The following ARHGAP6 variants were observed in gnomAD, a reference collection of about 807,000 sequenced individuals.
The protein encoded by ARHGAP6 is rho GTPase-activating protein 6.
A neutral mutation model predicts 55.7 loss-of-function variants in ARHGAP6; 16 were observed. That is an observed-to-expected ratio of 0.29 (90% confidence interval 0.19 to 0.44). The LOEUF is 0.44. ARHGAP6 is among the 20% of genes least tolerant of loss of function. ARHGAP6 has a pLI of 1.00. For synonymous variants in ARHGAP6, 382 were observed against 360.9 expected, an observed-to-expected ratio of 1.06 and a Z score of -0.66; for missense variants, 698 against 808.9, an observed-to-expected ratio of 0.86 and a Z score of 1.66.
At chrX:11,607,803 C>G (rs755864906) in intron 1 of ARHGAP6, among the ~76,000 whole-genome samples, 12 of 112,162 alleles carry the variant, frequency 1.1e-4, no homozygotes, top group Non-Finnish European at 2.3e-4. Flanking sequence ...GCTGGGGCAA[C>G]AAATAATTTG....
intron 1 of ARHGAP6, among the ~76,000 whole-genome samples, chrX:11,537,377 CCT>C (rs747275242): frequency 8.9e-6 from 1 of 111,752 alleles, no homozygotes; most frequent in Admixed American, 9.5e-5. Context: ...CAGGACAGCT[CCT>C]CTCAGCAAAG....
intron 1 of ARHGAP6, among the ~76,000 whole-genome samples, chrX:11,502,598 A>C (rs770468132): frequency 2.8e-4 from 31 of 111,498 alleles, no homozygotes; most frequent in Non-Finnish European, 5.7e-4. Context: ...AGCAAGACCA[A>C]CCCCTCCTCG....
At chrX:11,564,799 G>T (rs5933900) in intron 1 of ARHGAP6, among the ~76,000 whole-genome samples, 2,173 of 111,668 alleles carry the variant, frequency 0.019, 32 homozygotes, top group Middle Eastern at 0.056. Context: ...ATGACAAGTA[G>T]AATATGCCAC....
At chrX:11,623,040 A>G (rs2052248737) in intron 1 of ARHGAP6, among the ~76,000 whole-genome samples, 1 of 111,959 alleles carries the variant, frequency 8.9e-6, no homozygotes, top group Non-Finnish European at 1.9e-5. Context: ...TTTATTCAAC[A>G]TAGTGCTGGA....
At chrX:11,384,680 A>G (rs751960642) in intron 1 of ARHGAP6, among the ~76,000 whole-genome samples, 2 of 112,232 alleles carry the variant, frequency 1.8e-5, no homozygotes, top group African/African-American at 6.5e-5. Context: ...GCTACACAGG[A>G]AAATCACTTG....
intron 1 of ARHGAP6, among the ~76,000 whole-genome samples, chrX:11,475,560 TACACAC>T (rs199969639): frequency 0.23 from 22,240 of 95,597 alleles, 2,089 homozygotes; most frequent in Middle Eastern, 0.31. Context: ...TTAAAGAAAC[TACACAC>T]ACACACACAC....
At chrX:11,573,599 T>C (rs2051557461) in intron 1 of ARHGAP6, among the ~76,000 whole-genome samples, 1 of 110,819 alleles carries the variant, frequency 9.0e-6, no homozygotes, top group Non-Finnish European at 1.9e-5. Context: ...ACTTGTAGTA[T>C]AGTTTGAAGT....
intron 8 of ARHGAP6, among the ~76,000 whole-genome samples, chrX:11,174,565 CCTTCCTTCCTTT>C (rs1439373641): frequency 9.5e-4 from 70 of 73,341 alleles, no homozygotes; most frequent in African/African-American, 2.9e-3. Flanking sequence ...TTCCTTCCTT[CCTTCCTTCCTTT>C]CTTTCTTTCT....
rs757911357 is a variant in ARHGAP6, at chrX:11,208,878, G to A, written c.749-11882C>T. On this transcript the variant is annotated intron_variant, in intron 2 of 12. Coordinates refer to ENST00000337414, the MANE Select transcript of ARHGAP6 (RefSeq NM_013427.3). Reference sequence around the variant, plus strand: ...CTGCTGGGAGAATTAAACATCATTTGGTTCCATTTCCCAGCTGCTGAAAAA... The same window carrying A: ...CTGCTGGGAGAATTAAACATCATTTAGTTCCATTTCCCAGCTGCTGAAAAA... 8.0e-5 allele frequency among the ~76,000 whole-genome samples: 9 copies of A among 111,868 alleles called. 1 individual carries two copies. The South Asian group carries it at 3.0e-3, about 37-fold the overall frequency.
intron 1 of ARHGAP6, among the ~76,000 whole-genome samples, chrX:11,255,767 C>T (rs2047486463): frequency 1.8e-5 from 2 of 111,667 alleles, no homozygotes; most frequent in African/African-American, 3.3e-5. Flanking sequence ...CAAAGATTTC[C>T]ACAATCCTAA....
intron 1 of ARHGAP6, among the ~76,000 whole-genome samples, chrX:11,450,202 A>AAG (rs1491545196): frequency 2.5e-5 from 2 of 81,404 alleles, no homozygotes; most frequent in Admixed American, 2.7e-4. Context: ...AACAAATAAT[A>AAG]AGTGTGTGTG....
chrX:11,436,041 A>ATT (rs2049983968), intron 1 of ARHGAP6, among the ~76,000 whole-genome samples: 1 of 112,489 alleles, frequency 8.9e-6, no homozygotes, highest in African/African-American at 3.2e-5. Flanking sequence ...TCACATTAAC[A>ATT]TGTCAAGAAA....
intron 1 of ARHGAP6, among the ~76,000 whole-genome samples, chrX:11,511,111 T>C (rs2050781232): frequency 8.9e-6 from 1 of 112,211 alleles, no homozygotes; most frequent in African/African-American, 3.2e-5. Context: ...TATTAGTAAT[T>C]GCATTACAGG....
chrX:11,554,383 A>G (rs921744111), intron 1 of ARHGAP6, among the ~76,000 whole-genome samples: 10 of 111,950 alleles, frequency 8.9e-5, no homozygotes, highest in African/African-American at 2.9e-4. Context: ...TCGATAGCAG[A>G]GTACGGTGAC....
At chrX:11,169,898 A>G (rs1242042519) in intron 8 of ARHGAP6, among the ~76,000 whole-genome samples, 1 of 110,480 alleles carries the variant, frequency 9.1e-6, no homozygotes, top group African/African-American at 3.3e-5. Flanking sequence ...TCTCAATAGC[A>G]TATTGAATAA....
intron 1 of ARHGAP6, chrX:11,367,842 A>G (rs768260056): frequency 5.7e-5 from 42 of 742,890 alleles, no homozygotes; most frequent in Non-Finnish European, 5.9e-5. Context: ...TGAAGGAAAC[A>G]AAACCAGAAT....
In ARHGAP6 at chrX:11,584,077, A is replaced by G. The variant is rs1027944469; in HGVS notation, c.588+80164T>C. On this transcript the variant is annotated intron_variant, in intron 1 of 12. Transcript: ENST00000337414. Reference sequence around the variant, plus strand: ...AAATGACTTTCTGTCTACAAATCCAACTTGTCAATTTAAAGTTTACTGGAA... The same window carrying G: ...AAATGACTTTCTGTCTACAAATCCAGCTTGTCAATTTAAAGTTTACTGGAA... Among the ~76,000 whole-genome samples, 4 of 112,151 alleles carry G rather than the reference A, an allele frequency of 3.6e-5. No homozygotes were observed. The Admixed American group carries it at 3.8e-4, about 11-fold the overall frequency.
At chrX:11,306,606 A>C (rs938557722) in intron 1 of ARHGAP6, among the ~76,000 whole-genome samples, 2 of 112,766 alleles carry the variant, frequency 1.8e-5, no homozygotes, top group African/African-American at 6.5e-5. Flanking sequence ...TTTAAATTTT[A>C]ACAAGAAGTT....
intron 1 of ARHGAP6, among the ~76,000 whole-genome samples, chrX:11,525,817 C>T (rs1252277512): frequency 9.0e-6 from 1 of 110,997 alleles, no homozygotes; most frequent in Non-Finnish European, 1.9e-5. Flanking sequence ...TCTACGTAAG[C>T]ATAATTAATT....
Sources: allele counts gnomAD v4.1 joint callset (sites outside exome capture counted in the v4.1 genomes callset), GRCh38; gene constraint gnomAD v4.1.1; transcripts MANE v1.5; gene names NCBI Gene and HGNC (gene_info 2026-07-23, HGNC 2026-07-21).